Variants in CNTN5 observed in about 807,000 individuals in gnomAD.
CNTN5 encodes contactin 5.
Under a neutral mutation model 129.1 loss-of-function variants are expected in CNTN5, and 77 were observed. The observed-to-expected ratio is 0.60, with a 90% CI of 0.50 to 0.72. The LOEUF (loss-of-function observed/expected upper bound fraction) is 0.72. Ranked by LOEUF, CNTN5 falls within the 30% of genes least tolerant of loss-of-function variation. CNTN5 has a pLI of 0.00. For missense variants in CNTN5, 1,478 were observed against 1,328.8 expected (o/e 1.11, Z -1.75); for synonymous variants, 509 against 465.6 (o/e 1.09, Z -1.20).
At chr11:99,239,936 C>CAAAA (rs386374626) in intron 1 of CNTN5, among the ~76,000 whole-genome samples, 2 of 105,206 alleles carry the variant, frequency 1.9e-5, no homozygotes, top group Admixed American at 1.0e-4. Flanking sequence ...GACTCCGTCT[C>CAAAA]AAAAAAAAAA....
At chr11:99,426,301 T>C (rs1371328814) in intron 2 of CNTN5, among the ~76,000 whole-genome samples, 1 of 152,096 alleles carries the variant, frequency 6.6e-6, no homozygotes, top group Admixed American at 6.5e-5. Flanking sequence ...GGATCACAGG[T>C]AACTGTAAAA....
chr11:99,564,248 ATT>A (rs905925277), intron 3 of CNTN5, among the ~76,000 whole-genome samples: 7 of 151,946 alleles, frequency 4.6e-5, no homozygotes, highest in African/African-American at 1.7e-4. Flanking sequence ...CATCAGGGTA[ATT>A]TTTTTATTTT....
chr11:99,580,026 A>C (rs987047520), intron 3 of CNTN5, among the ~76,000 whole-genome samples: 9 of 36,432 alleles, frequency 2.5e-4, no homozygotes, highest in African/African-American at 6.8e-4. Flanking sequence ...ATTTATTGAG[A>C]GTTTTTAGCA....
At chr11:99,572,677 C>G (rs1350506679) in intron 3 of CNTN5, among the ~76,000 whole-genome samples, 1 of 152,124 alleles carries the variant, frequency 6.6e-6, no homozygotes, top group Middle Eastern at 3.4e-3. Flanking sequence ...CTCCCCTTGT[C>G]CATAGATCTA....
chr11:99,859,501 C>A (rs1948141910), intron 6 of CNTN5, among the ~76,000 whole-genome samples: 1 of 152,030 alleles, frequency 6.6e-6, no homozygotes, highest in Non-Finnish European at 1.5e-5. Context: ...TCTCAGCCTT[C>A]CCCCCAACCC....
intron 1 of CNTN5, among the ~76,000 whole-genome samples, chr11:99,162,028 A>G (rs1860634162): frequency 6.6e-6 from 1 of 152,176 alleles, no homozygotes; most frequent in Admixed American, 6.5e-5. Flanking sequence ...TAATACTTAT[A>G]AAAGTATAGC....
intron 1 of CNTN5, among the ~76,000 whole-genome samples, chr11:99,166,315 C>G (rs956744443): frequency 6.6e-6 from 1 of 151,134 alleles, no homozygotes; most frequent in Non-Finnish European, 1.5e-5. Context: ...GGCAGAAGAA[C>G]CTCTTGAACC....
chr11:99,412,104 T>C (rs1328405784), intron 2 of CNTN5, among the ~76,000 whole-genome samples: 5 of 152,196 alleles, frequency 3.3e-5, no homozygotes, highest in Non-Finnish European at 7.3e-5. Flanking sequence ...TTAAGATGTA[T>C]CATAGATATG....
At chr11:99,756,064 C>A (rs1944394737) in intron 3 of CNTN5, among the ~76,000 whole-genome samples, 2 of 151,862 alleles carry the variant, frequency 1.3e-5, no homozygotes, top group African/African-American at 4.8e-5. Flanking sequence ...AGAGTCTGGG[C>A]TAAATAAAGC....
At chr11:100,056,811 T>A (rs2137778729) in intron 9 of CNTN5, among the ~76,000 whole-genome samples, 1 of 151,826 alleles carries the variant, frequency 6.6e-6, no homozygotes, top group East Asian at 1.9e-4. Context: ...ACTTTGCATC[T>A]ATTGATATGG....
chr11:99,422,186 T>A (rs1324743301), intron 2 of CNTN5, among the ~76,000 whole-genome samples: 5 of 152,162 alleles, frequency 3.3e-5, no homozygotes, highest in Non-Finnish European at 7.4e-5. Flanking sequence ...TTTTAACATT[T>A]AACTGTTCAG....
chr11:100,244,268 T>C (rs768740925), intron 16 of CNTN5, among the ~76,000 whole-genome samples: 7 of 152,210 alleles, frequency 4.6e-5, no homozygotes, highest in African/African-American at 7.2e-5. Flanking sequence ...ATTCCCTTTT[T>C]CTACCAACAA....
chr11:99,921,230 A>G (rs1266048748), intron 7 of CNTN5, among the ~76,000 whole-genome samples: 2 of 152,152 alleles, frequency 1.3e-5, no homozygotes, highest in Non-Finnish European at 2.9e-5. Flanking sequence ...AGTCCCTACC[A>G]TCGCTTGGAG....
intron 18 of CNTN5, 111 bp from the exon 19 acceptor site, chr11:100,297,514 C>T: frequency 1.3e-6 from 1 of 786,198 alleles, no homozygotes. Context: ...TTGTTTTAAT[C>T]TTTAATATGA....
intron 7 of CNTN5, among the ~76,000 whole-genome samples, chr11:99,917,478 C>T (rs72992833): frequency 0.015 from 2,282 of 152,052 alleles, 22 homozygotes; most frequent in Middle Eastern, 0.031. Context: ...AAACAGATTT[C>T]ATCCAAGGGG....
In CNTN5 at chr11:100,071,719, G is replaced by C; in HGVS notation, c.1314G>C (p.Met438Ile). ...TTCCATTACAGAGTAGGGTTGAGAT[G>C]GTTAATGGAGTATTGATGATCCACA... ...VPLSPQSRVE[M>I]VNGVLMIHNV... Residue 438 changes from methionine to isoleucine, a missense_variant, in exon 12 of 25, where the codon ATG (methionine) becomes ATC (isoleucine). Physicochemically the swap from Met to Ile is conservative, Grantham distance 10 (BLOSUM62 1). Transcript: ENST00000524871. 6.3e-7 allele frequency: 1 copy of C among 1,587,452 alleles called. No individual in the cohort carries two copies. Among genetic ancestry groups the C allele is most frequent in the Non-Finnish European group, 8.6e-7 (1 of 1,165,956 alleles).
chr11:99,502,000 C>G (rs1159623), intron 2 of CNTN5, among the ~76,000 whole-genome samples: 40,106 of 152,052 alleles, frequency 0.26, 5,692 homozygotes, highest in East Asian at 0.43. Context: ...ATAGGTACAA[C>G]GCTGATGGCT....
At chr11:100,116,163 A>G (rs1945833978) in intron 13 of CNTN5, among the ~76,000 whole-genome samples, 1 of 152,050 alleles carries the variant, frequency 6.6e-6, no homozygotes. Flanking sequence ...AAAAAGTCAC[A>G]TATGAGATCC....
intron 3 of CNTN5, among the ~76,000 whole-genome samples, chr11:99,647,550 AT>A (rs879874556): frequency 2.0e-5 from 3 of 151,412 alleles, no homozygotes; most frequent in Non-Finnish European, 4.4e-5. Context: ...ACAAACGTTA[AT>A]TTTTTTCTAT....
Sources: gnomAD v4.1 joint callset for allele counts (sites outside exome capture counted in the v4.1 genomes callset) on GRCh38, gnomAD v4.1.1 for gene constraint, MANE v1.5 for transcripts, NCBI Gene and HGNC (gene_info 2026-07-23, HGNC 2026-07-21) for gene names.